The following SPAG16 variants were observed in gnomAD, a reference collection of about 807,000 sequenced individuals.
The protein encoded by SPAG16 is sperm associated antigen 16.
SPAG16 carries 86 observed loss-of-function variants against 80.4 expected under a neutral mutation model. The observed-to-expected ratio is 1.07, with a 90% CI of 0.90 to 1.28. SPAG16 has a LOEUF of 1.28. SPAG16 is among the 50% of genes most tolerant of loss of function. The pLI, the probability that SPAG16 is intolerant of heterozygous loss-of-function variation, is 0.00. For missense variants in SPAG16, 870 were observed against 765.3 expected, an observed-to-expected ratio of 1.14 and a Z score of -1.61; for synonymous variants, 294 against 265.9, an observed-to-expected ratio of 1.11 and a Z score of -1.03.
intron 12 of SPAG16, among the ~76,000 whole-genome samples, chr2:213,952,388 G>A (rs78512990): frequency 0.095 from 14,441 of 151,934 alleles, 987 homozygotes; most frequent in African/African-American, 0.19. Flanking sequence ...ACCATTCATA[G>A]AATGCTATGC....
At chr2:213,718,628 C>G (rs892595367) in intron 10 of SPAG16, among the ~76,000 whole-genome samples, 6 of 152,192 alleles carry the variant, frequency 3.9e-5, no homozygotes, top group Admixed American at 6.5e-5. Context: ...GGGGACTTAG[C>G]ACCCGGGCCA....
At chr2:214,383,787 A>T (rs1205977578) in intron 15 of SPAG16, among the ~76,000 whole-genome samples, 4 of 152,160 alleles carry the variant, frequency 2.6e-5, no homozygotes, top group Admixed American at 6.5e-5. Context: ...GGAAGTCATC[A>T]AAAGACAAGT....
In SPAG16 at chr2:214,144,868, A is replaced by T. The variant is rs1485906544; in HGVS notation, c.1594-4272A>T. 5.9e-5 allele frequency among the ~76,000 whole-genome samples: 9 copies of T among 152,216 alleles called. No individual in the cohort carries two copies. The East Asian group carries it at 1.5e-3, about 26-fold the overall frequency. ...CAGGTTGAAGGTTCAAACTACAATC[A>T]AATTGGACCTGAGTCTTCCAAAATA... is the stretch of plus-strand genomic sequence containing the variant. On this transcript the variant is annotated intron_variant, in intron 14 of 15. Coordinates refer to ENST00000331683, the MANE Select transcript of SPAG16 (RefSeq NM_024532.5).
intron 14 of SPAG16, among the ~76,000 whole-genome samples, chr2:214,132,768 T>A (rs2054842635): frequency 6.6e-6 from 1 of 152,142 alleles, no homozygotes; most frequent in Non-Finnish European, 1.5e-5. Flanking sequence ...AGGAGGCAGG[T>A]CAAATTTACA....
At chr2:213,844,062 G>A (rs1008672101) in intron 10 of SPAG16, among the ~76,000 whole-genome samples, 1 of 152,098 alleles carries the variant, frequency 6.6e-6, no homozygotes, top group Admixed American at 6.6e-5. Flanking sequence ...AAAACCTAAA[G>A]GTCAAAAACC....
At chr2:213,837,337 T>G (rs1422993191) in intron 10 of SPAG16, among the ~76,000 whole-genome samples, 1 of 152,218 alleles carries the variant, frequency 6.6e-6, no homozygotes, top group Non-Finnish European at 1.5e-5. Context: ...TCCCAACACA[T>G]GTTAAAAGAA....
At chr2:213,815,827 C>A (rs925007652) in intron 10 of SPAG16, among the ~76,000 whole-genome samples, 2 of 151,970 alleles carry the variant, frequency 1.3e-5, no homozygotes, top group East Asian at 1.9e-4. Context: ...TTACCTAGAG[C>A]ACATTTGTAA....
chr2:214,013,179 C>T (rs942172589), intron 12 of SPAG16, among the ~76,000 whole-genome samples: 26 of 138,872 alleles, frequency 1.9e-4, no homozygotes, highest in South Asian at 9.1e-4. Context: ...AGTATTTTGT[C>T]TTTTTTTTTT....
intron 8 of SPAG16, among the ~76,000 whole-genome samples, chr2:213,373,606 T>A (rs1285280409): frequency 2.6e-5 from 4 of 152,200 alleles, no homozygotes. Context: ...AAGTGGCCTT[T>A]AGCAATGTCT....
At chr2:213,610,939 G>T (rs189444880) in intron 10 of SPAG16, among the ~76,000 whole-genome samples, 5 of 152,102 alleles carry the variant, frequency 3.3e-5, no homozygotes, top group Non-Finnish European at 7.4e-5. Flanking sequence ...CCAAGTCTGG[G>T]TCTATTCAGT....
chr2:213,615,645 T>C (rs2061569343), intron 10 of SPAG16, among the ~76,000 whole-genome samples: 1 of 152,102 alleles, frequency 6.6e-6, no homozygotes, highest in Non-Finnish European at 1.5e-5. Flanking sequence ...ATTTTGCAAG[T>C]GTAGACATGA....
intron 15 of SPAG16, among the ~76,000 whole-genome samples, chr2:214,284,012 G>A (rs756698096): frequency 1.4e-4 from 22 of 152,078 alleles, no homozygotes; most frequent in African/African-American, 5.1e-4. Context: ...TAATCAAAAC[G>A]TATCCTATTG....
chr2:214,077,806 CAG>C (rs1295894513), intron 13 of SPAG16, among the ~76,000 whole-genome samples: 1 of 152,182 alleles, frequency 6.6e-6, no homozygotes, highest in Non-Finnish European at 1.5e-5. Flanking sequence ...CAGGATTAGT[CAG>C]AGTCATAGTT....
intron 15 of SPAG16, among the ~76,000 whole-genome samples, chr2:214,155,531 T>G (rs1443371733): frequency 1.5e-4 from 22 of 151,392 alleles, no homozygotes; most frequent in Admixed American, 1.1e-3. Context: ...AAAGACGGGG[T>G]CCTATGATGT....
At chr2:214,248,287 ATATTATTATTATTATTATTATTATTAT>A (rs71975870) in intron 15 of SPAG16, among the ~76,000 whole-genome samples, 3 of 138,518 alleles carry the variant, frequency 2.2e-5, no homozygotes, top group Non-Finnish European at 4.6e-5. Context: ...TACTATTCTT[ATATTATTATTATTATTATTATTATTAT>A]TATTATTATT....
intron 12 of SPAG16, among the ~76,000 whole-genome samples, chr2:214,005,890 T>C (rs926823167): frequency 2.0e-5 from 3 of 152,178 alleles, no homozygotes; most frequent in Non-Finnish European, 4.4e-5. Flanking sequence ...TGAACTTGGA[T>C]GTTATGAATT....
intron 13 of SPAG16, among the ~76,000 whole-genome samples, chr2:214,028,836 A>G (rs538083622): frequency 1.3e-5 from 2 of 152,192 alleles, no homozygotes; most frequent in African/African-American, 4.8e-5. Flanking sequence ...TGCATTCAAT[A>G]CTATATTTGG....
At chr2:213,305,424 G>T (rs2062902080) in intron 3 of SPAG16, among the ~76,000 whole-genome samples, 1 of 152,022 alleles carries the variant, frequency 6.6e-6, no homozygotes, top group African/African-American at 2.4e-5. Context: ...GGGCATCCTT[G>T]TTATGTTTCA....
intron 10 of SPAG16, among the ~76,000 whole-genome samples, chr2:213,791,399 T>C (rs958468479): frequency 6.6e-6 from 1 of 151,496 alleles, no homozygotes; most frequent in African/African-American, 2.4e-5. Flanking sequence ...GTATAACTTC[T>C]TTTTTTATAC....
Sources: gnomAD v4.1 joint callset for allele counts (sites outside exome capture counted in the v4.1 genomes callset) on GRCh38, gnomAD v4.1.1 for gene constraint, MANE v1.5 for transcripts, NCBI Gene and HGNC (gene_info 2026-07-23, HGNC 2026-07-21) for gene names.